Variants in ANKRD28 observed in about 807,000 individuals in gnomAD.
ANKRD28 encodes the protein ankyrin repeat domain 28.
ANKRD28 carries 44 observed loss-of-function variants against 126.5 expected under a neutral mutation model. That is an observed-to-expected ratio of 0.35 (90% CI 0.27 to 0.45). The LOEUF (loss-of-function observed/expected upper bound fraction) is 0.45, where lower values mean the gene tolerates loss of function less well. ANKRD28 is among the 20% of genes least tolerant of loss of function. The pLI is 1.00. For synonymous variants in ANKRD28, 442 were observed against 468.5 expected (o/e 0.94, Z 0.73); for missense variants, 1,110 against 1,316.6 (o/e 0.84, Z 2.43).
intron 2 of ANKRD28, among the ~76,000 whole-genome samples, chr3:15,786,813 G>C (rs1195501165): frequency 1.3e-5 from 2 of 151,948 alleles, no homozygotes; most frequent in Non-Finnish European, 2.9e-5. Flanking sequence ...TGATACTTGA[G>C]CTTTATAGAA....
chr3:15,770,085 T>C (rs2058926662), intron 2 of ANKRD28, among the ~76,000 whole-genome samples: 1 of 152,036 alleles, frequency 6.6e-6, no homozygotes, highest in Non-Finnish European at 1.5e-5. Flanking sequence ...AGAAAGGATT[T>C]AACAAATTAT....
intron 3 of ANKRD28, among the ~76,000 whole-genome samples, chr3:15,764,200 CAG>C (rs1575590789): frequency 6.6e-6 from 1 of 152,098 alleles, no homozygotes. Flanking sequence ...GCCTGGGCGA[CAG>C]AGCGAGATTC....
intron 17 of ANKRD28, 63 bp downstream of exon 17, chr3:15,694,676 T>C (rs2069278080): frequency 3.5e-6 from 5 of 1,414,472 alleles, no homozygotes; most frequent in African/African-American, 2.8e-5. Flanking sequence ...TCAACACAAA[T>C]AGGTTATTAG....
In ANKRD28 at chr3:15,726,317, G is replaced by C. The variant is rs142975358; in HGVS notation, c.641-1793C>G. On this transcript the variant is annotated intron_variant, in intron 6 of 27. Transcript: ENST00000683139. ...CCTCCTGTGACAAAGTTACCAAGTAGTGAATGCAAAAGAAAAATTCTCCAA... is the reference window on the plus strand; with the variant it reads ...CCTCCTGTGACAAAGTTACCAAGTACTGAATGCAAAAGAAAAATTCTCCAA... Among the ~76,000 whole-genome samples, 343 of 151,834 alleles carry C rather than the reference G, an allele frequency of 2.3e-3. 1 individual carries two copies. The highest frequency in any genetic ancestry group is 8.0e-3 in the African/African-American group (330 of 41,482).
At chr3:15,811,191 T>C (rs61639371) in intron 1 of ANKRD28, among the ~76,000 whole-genome samples, 4,318 of 152,272 alleles carry the variant, frequency 0.028, 81 homozygotes, top group South Asian at 0.058. Flanking sequence ...CTAGAGTCTG[T>C]TTTATTTTGA....
intron 7 of ANKRD28, among the ~76,000 whole-genome samples, chr3:15,723,766 A>T (rs190591670): frequency 1.6e-4 from 25 of 152,260 alleles, no homozygotes; most frequent in Non-Finnish European, 3.1e-4. Flanking sequence ...GACCCTGTTT[A>T]AAAAAATAAT....
At chr3:15,692,940 A>T (rs1481227190) in intron 17 of ANKRD28, among the ~76,000 whole-genome samples, 1 of 152,212 alleles carries the variant, frequency 6.6e-6, no homozygotes, top group Admixed American at 6.5e-5. Flanking sequence ...AAAATAAGGA[A>T]ATTCAGCCAC....
rs536314347 is a variant in ANKRD28, at chr3:15,838,495, T to C, written c.27+20882A>G. On this transcript the variant is annotated intron_variant, in intron 1 of 27. Coordinates refer to the ANKRD28 transcript ENST00000399451. The surrounding 1 kb of genome is among the most constrained non-coding windows in gnomAD (Gnocchi z 4.0). The stretch of plus-strand genomic sequence containing the variant: ...GGCTCACACCTATAATCCCAGCACT[T>C]TGGGAGGCCGAGGCGGGCAGATCAC... Among the ~76,000 whole-genome samples, 3 of 152,242 alleles carry C rather than the reference T, an allele frequency of 2.0e-5. No homozygotes were observed. Among genetic ancestry groups the C allele is most frequent in the African/African-American group, 7.2e-5 (3 of 41,552 alleles).
intron 27 of ANKRD28, among the ~76,000 whole-genome samples, chr3:15,673,166 A>G (rs184379356): frequency 8.5e-5 from 13 of 152,288 alleles, no homozygotes; most frequent in African/African-American, 2.6e-4. Context: ...TAGCAGTTGC[A>G]TTTTTTGGGA....
intron 14 of ANKRD28, among the ~76,000 whole-genome samples, chr3:15,703,708 C>T (rs1039737759): frequency 3.3e-5 from 5 of 151,982 alleles, no homozygotes; most frequent in Admixed American, 6.6e-5. Context: ...ATTGTTATTG[C>T]GAAGTTACGA....
chr3:15,744,323 T>C (rs2057325738), intron 4 of ANKRD28, among the ~76,000 whole-genome samples: 2 of 151,256 alleles, frequency 1.3e-5, no homozygotes, highest in African/African-American at 4.9e-5. Context: ...ATCTTTTTCT[T>C]TTTTTTTTAG....
chr3:15,760,453 C>T (rs1289068565), intron 3 of ANKRD28, among the ~76,000 whole-genome samples: 1 of 152,170 alleles, frequency 6.6e-6, no homozygotes, highest in African/African-American at 2.4e-5. Flanking sequence ...CTTTTTGCCC[C>T]TTCCTTTCTG....
chr3:15,798,656 AT>A (rs1373459077), upstream of ANKRD28, among the ~76,000 whole-genome samples: 9 of 152,118 alleles, frequency 5.9e-5, no homozygotes, highest in African/African-American at 2.2e-4. Context: ...GAAAAAAAAA[AT>A]GTCCTTCGTC....
In ANKRD28 at chr3:15,720,967, C is replaced by G; in HGVS notation, c.944G>C (p.Gly315Ala). The G allele has an allele frequency of 6.2e-7, 1 of 1,613,834 alleles. No individual in the cohort carries two copies. Among genetic ancestry groups the G allele is most frequent in the Non-Finnish European group, 8.5e-7 (1 of 1,179,808 alleles). Residue 315 changes from glycine to alanine, a missense_variant, in exon 8 of 28, where the codon GGA becomes GCA. Transcript: ENST00000683139. ...PLHFAAASTH[G>A]ALCLELLVGN... ...AACTAGAAGCTCTAAACACAATGCT[C>G]CATGTGTTGATGCAGCAGCAAAGTG...
rs1488668796 is a variant in ANKRD28, at chr3:15,838,607, G to A, written c.27+20770C>T. Among the ~76,000 whole-genome samples the A allele has an allele frequency of 6.6e-6, 1 of 152,050 alleles. No individual in the cohort carries two copies. The highest frequency in any genetic ancestry group is 1.5e-5 in the Non-Finnish European group (1 of 68,018). On this transcript the variant is annotated intron_variant, in intron 1 of 27. Coordinates refer to the ANKRD28 transcript ENST00000399451. The surrounding 1 kb of genome is among the most constrained non-coding windows in gnomAD (Gnocchi z 4.0). Reference sequence around the variant, plus strand: ...CTAAAAATACAAAAAACTTAGTCGGGCATGGTGGCACATGCCTGTAATCCC... The same window carrying A: ...CTAAAAATACAAAAAACTTAGTCGGACATGGTGGCACATGCCTGTAATCCC...
intron 13 of ANKRD28, 123 bp downstream of exon 13, chr3:15,709,545 C>A: frequency 1.7e-6 from 1 of 587,556 alleles, no homozygotes; most frequent in East Asian, 3.2e-5. Flanking sequence ...CTGGGACTCT[C>A]AATGAATCAT....
Position 15,751,712 on chromosome 3 carries a change from T to C in ANKRD28, c.351+38A>G, listed in dbSNP as rs2057873542. 2.9e-6 allele frequency: 4 copies of C among 1,368,690 alleles called. No individual in the cohort carries two copies. The African/African-American group carries it at 5.8e-5, about 20-fold the overall frequency. 84.8% of individuals were successfully genotyped at this position (1,368,690 alleles called of 1,614,324 possible). On this transcript the variant is annotated intron_variant, in intron 4 of 27. Transcript: ENST00000683139. ...ATTCAGGGGTACGCCTATTTAATGT[T>C]TTCATATAAAACATATTTACTAAGA...
At chr3:15,695,845 G>C (rs2069462433) in intron 15 of ANKRD28, among the ~76,000 whole-genome samples, 1 of 152,006 alleles carries the variant, frequency 6.6e-6, no homozygotes, top group African/African-American at 2.4e-5. Context: ...TAGTTTTTTA[G>C]AAACTTATGA....
rs560636166 is a variant in ANKRD28, at chr3:15,724,409, G to A, written c.756C>T (p.Val252=). The change falls in exon 7 of 28, where the codon GTC becomes GTT. Residue 252 remains valine (V), a synonymous_variant. Transcript: ENST00000683139. ...AAASSGMISV[V]KYLLDLGVDM... is the part of the protein sequence containing the mutation. ...CAACTCCAAGATCTAGAAGGTACTT[G>A]ACTACGCTGATCATTCCACTAGAGG... 1.2e-6 allele frequency: 2 copies of A among 1,607,010 alleles called. No homozygotes were observed. Among genetic ancestry groups the A allele is most frequent in the African/African-American group, 2.7e-5 (2 of 74,918 alleles).
Sources: allele counts gnomAD v4.1 joint callset (sites outside exome capture counted in the v4.1 genomes callset), GRCh38; gene constraint gnomAD v4.1.1; non-coding constraint Gnocchi (gnomAD v3.1); transcripts MANE v1.5; gene names NCBI Gene and HGNC (gene_info 2026-07-23, HGNC 2026-07-21).